Variants in VRK2 observed in about 807,000 individuals in gnomAD.
The protein encoded by VRK2 is VRK serine/threonine kinase 2, also known as serine/threonine-protein kinase VRK2.
In VRK2, 60 loss-of-function variants were observed where a neutral mutation model predicts 57.6. The ratio of observed to expected loss-of-function variants is 1.04; its 90% CI spans 0.85 to 1.29. VRK2 has a LOEUF of 1.29. VRK2 is among the 50% of genes most tolerant of loss of function. The probability of loss-of-function intolerance (pLI) is 0.00; values close to 1 mark genes in which losing one functional copy is unlikely to be tolerated. For missense variants in VRK2, 705 were observed against 588.1 expected (o/e 1.20, Z -2.06); for synonymous variants, 231 against 199.2 (o/e 1.16, Z -1.35).
At chr2:58,075,449 C>T (rs751380110) in intron 2 of VRK2, among the ~76,000 whole-genome samples, 15 of 152,120 alleles carry the variant, frequency 9.9e-5, no homozygotes, top group African/African-American at 3.6e-4. Flanking sequence ...TTAAGTTCTT[C>T]GAGAGTCTTT....
rs375367570 is a variant in VRK2, at chr2:58,145,724, G to A, written c.1024-592G>A. 8.6e-5 allele frequency among the ~76,000 whole-genome samples: 13 copies of A among 151,832 alleles called. No homozygotes were observed. The East Asian group carries it at 9.7e-4, about 11-fold the overall frequency. On this transcript the variant is annotated intron_variant, in intron 11 of 12. Transcript: ENST00000340157. ...TGTGCCATGTTGGTGTGCTGCACCC[G>A]TTAACTCATCATTTACATTAGGTAT...
At chr2:58,073,648 A>ATATATTTATATTTATATT (rs60045741) in intron 2 of VRK2, among the ~76,000 whole-genome samples, 5 of 142,230 alleles carry the variant, frequency 3.5e-5, no homozygotes, top group Admixed American at 7.1e-5. Flanking sequence ...ATATATATAT[A>ATATATTTATATTTATATT]TATATTTATA....
chr2:58,085,799 T>G lies in VRK2; in HGVS notation c.257-540T>G, dbSNP rs186390372. Reference sequence around the variant, plus strand: ...TAAACATAAAAAACATAGGCTAGAGTCATGAAAAAAATGATGAAAGTTAAC... The same window carrying G: ...TAAACATAAAAAACATAGGCTAGAGGCATGAAAAAAATGATGAAAGTTAAC... On this transcript the variant is annotated intron_variant, in intron 4 of 12. Coordinates refer to ENST00000340157, the MANE Select transcript of VRK2 (RefSeq NM_006296.7). Among the ~76,000 whole-genome samples, 362 of 151,810 alleles carry G rather than the reference T, an allele frequency of 2.4e-3. 1 individual carries two copies. Among genetic ancestry groups the G allele is most frequent in the Middle Eastern group, 6.8e-3 (2 of 292 alleles).
chr2:58,157,426 C>A (rs1684078236), intron 12 of VRK2, among the ~76,000 whole-genome samples: 1 of 152,158 alleles, frequency 6.6e-6, no homozygotes, highest in Admixed American at 6.6e-5. Context: ...TACTTATCTA[C>A]TAGGTGTCAA....
chr2:58,146,218 G>T, intron 11 of VRK2, 98 bp from the exon 12 acceptor site: 1 of 1,062,634 alleles, frequency 9.4e-7, no homozygotes, highest in Non-Finnish European at 1.3e-6. Flanking sequence ...TTTAAAGCTT[G>T]GCAAGTTTAG....
chr2:57,985,470 C>T (rs1478461549), intron 1 of VRK2, among the ~76,000 whole-genome samples: 1 of 152,008 alleles, frequency 6.6e-6, no homozygotes, highest in Non-Finnish European at 1.5e-5. Flanking sequence ...TCCCCAGAGC[C>T]AACCACTCTT....
At chr2:57,995,757 C>A (rs777686380) in intron 1 of VRK2, among the ~76,000 whole-genome samples, 1 of 152,172 alleles carries the variant, frequency 6.6e-6, no homozygotes, top group Non-Finnish European at 1.5e-5. Context: ...GTTACTTTTT[C>A]ATCAAGAACA....
chr2:58,027,975 T>G (rs959618115), intron 2 of VRK2, among the ~76,000 whole-genome samples: 2 of 152,198 alleles, frequency 1.3e-5, no homozygotes, highest in African/African-American at 2.4e-5. Context: ...TGTTTAACTG[T>G]CTGGTGAAGG....
At chr2:58,042,220 G>A (rs150468933), upstream of VRK2, among the ~76,000 whole-genome samples, 139 of 152,228 alleles carry the variant, frequency 9.1e-4, no homozygotes, top group Non-Finnish European at 1.7e-3. Context: ...GAAGAATTAT[G>A]TCATTTGGAT....
intron 7 of VRK2, among the ~76,000 whole-genome samples, chr2:58,092,709 A>AAAGT (rs1296204823): frequency 1.3e-5 from 2 of 152,140 alleles, no homozygotes; most frequent in African/African-American, 2.4e-5. Flanking sequence ...ACATGTGCAC[A>AAAGT]AAGTGCAGGT....
chr2:58,117,791 G>C (rs1286831788), intron 7 of VRK2, among the ~76,000 whole-genome samples: 1 of 152,184 alleles, frequency 6.6e-6, no homozygotes, highest in African/African-American at 2.4e-5. Context: ...TTTTAGGTCA[G>C]TGAAAGTTGG....
At chr2:57,922,430 C>T (rs1158674277) in intron 1 of VRK2, among the ~76,000 whole-genome samples, 1 of 136,604 alleles carries the variant, frequency 7.3e-6, no homozygotes, top group Non-Finnish European at 1.6e-5. Context: ...GCTAACATAA[C>T]CATCACCTCA....
chr2:58,046,399 T>A (rs1275012201), upstream of VRK2: 2 of 779,082 alleles, frequency 2.6e-6, no homozygotes, highest in Non-Finnish European at 3.1e-6. Context: ...TCTTCGCTAG[T>A]ACCAATAGTT....
intron 2 of VRK2, among the ~76,000 whole-genome samples, chr2:58,054,671 TGA>T (rs1256710995): frequency 5.3e-5 from 8 of 152,298 alleles, no homozygotes; most frequent in African/African-American, 1.7e-4. Context: ...AAGCTCTAAA[TGA>T]GAGAGCTCAT....
chr2:57,927,239 G>A (rs1227738597), intron 1 of VRK2, among the ~76,000 whole-genome samples: 1 of 149,644 alleles, frequency 6.7e-6, no homozygotes, highest in African/African-American at 2.5e-5. Flanking sequence ...GTCTTGAAAA[G>A]TTGTTGTAGC....
At chr2:58,045,860 C>A (rs999311010), upstream of VRK2, among the ~76,000 whole-genome samples, 4 of 151,856 alleles carry the variant, frequency 2.6e-5, no homozygotes, top group Non-Finnish European at 5.9e-5. Context: ...TTCTTTCCTT[C>A]GAGACTGAGT....
At chr2:58,072,757 G>A (rs767757348) in intron 2 of VRK2, among the ~76,000 whole-genome samples, 2 of 151,698 alleles carry the variant, frequency 1.3e-5, no homozygotes, top group Non-Finnish European at 2.9e-5. Flanking sequence ...TGTTATTAGG[G>A]TGATGCTGGT....
intron 1 of VRK2, among the ~76,000 whole-genome samples, chr2:57,976,111 T>C (rs1317213254): frequency 1.3e-5 from 2 of 152,180 alleles, no homozygotes; most frequent in Non-Finnish European, 2.9e-5. Context: ...CTTTCGTGGC[T>C]GTGTAGTATT....
intron 2 of VRK2, among the ~76,000 whole-genome samples, chr2:58,052,320 T>A (rs893799050): frequency 1.3e-5 from 2 of 152,126 alleles, no homozygotes; most frequent in Admixed American, 1.3e-4. Context: ...TTAATACTGG[T>A]GCCATAGTGG....
Sources: gnomAD v4.1 joint callset for allele counts (sites outside exome capture counted in the v4.1 genomes callset) on GRCh38, gnomAD v4.1.1 for gene constraint, MANE v1.5 for transcripts, NCBI Gene and HGNC (gene_info 2026-07-23, HGNC 2026-07-21) for gene names.